The following TMEM132D variants were observed in gnomAD, a reference collection of about 807,000 sequenced individuals.
The protein encoded by TMEM132D is mature OL transmembrane protein.
A neutral mutation model predicts 62.3 loss-of-function variants in TMEM132D; 21 were observed. The ratio of observed to expected loss-of-function variants is 0.34; its 90% CI spans 0.24 to 0.49. TMEM132D has a LOEUF of 0.49. Among genes scored for constraint, TMEM132D ranks in the 20% least tolerant of loss-of-function variants. The probability of loss-of-function intolerance (pLI) is 0.99; values close to 1 mark genes in which losing one functional copy is unlikely to be tolerated. For missense variants in TMEM132D, 1,346 were observed against 1,402.8 expected (o/e 0.96, Z 0.65); for synonymous variants, 621 against 575.6 (o/e 1.08, Z -1.13).
At chr12:129,355,587 CCAA>C (rs2135670752) in intron 3 of TMEM132D, among the ~76,000 whole-genome samples, 1 of 152,188 alleles carries the variant, frequency 6.6e-6, no homozygotes, top group South Asian at 2.1e-4. Flanking sequence ...AGATGTTCTT[CCAA>C]CAATTCAGAA....
intron 1 of TMEM132D, among the ~76,000 whole-genome samples, chr12:129,849,122 G>A (rs755247252): frequency 6.6e-6 from 1 of 152,172 alleles, no homozygotes; most frequent in Non-Finnish European, 1.5e-5. Flanking sequence ...TATAATGCAA[G>A]CAGTCAGACC....
At chr12:129,879,437 T>C (rs1238663086) in intron 1 of TMEM132D, among the ~76,000 whole-genome samples, 10 of 152,170 alleles carry the variant, frequency 6.6e-5, no homozygotes, top group Admixed American at 1.3e-4. Flanking sequence ...AAAATAATAG[T>C]TTCTTGAACA....
At chr12:129,653,392 G>A (rs1212473675) in intron 2 of TMEM132D, among the ~76,000 whole-genome samples, 1 of 152,148 alleles carries the variant, frequency 6.6e-6, no homozygotes, top group African/African-American at 2.4e-5. Flanking sequence ...CGTGAACAAT[G>A]ACATATCAGG....
intron 1 of TMEM132D, among the ~76,000 whole-genome samples, chr12:129,762,288 T>A (rs758254960): frequency 7.2e-5 from 11 of 152,058 alleles, no homozygotes; most frequent in Non-Finnish European, 1.2e-4. Flanking sequence ...CAAAACTAAT[T>A]TCCTAGTCCC....
At position 129,380,275 on chromosome 12, in the gene TMEM132D, GA is replaced by G. The variant is rs565261397; in HGVS notation, c.1116-42459del. On this transcript the variant is annotated intron_variant, in intron 3 of 8. Coordinates refer to ENST00000422113, the MANE Select transcript of TMEM132D (RefSeq NM_133448.3). ...AATTCACTTAGCAGGCAAACGTCTAGAAAAAAAACTTCCATTTATTATAGGA... is the reference window on the plus strand; with the variant it reads ...AATTCACTTAGCAGGCAAACGTCTAGAAAAAAACTTCCATTTATTATAGGA... 4.2e-3 allele frequency among the ~76,000 whole-genome samples: 640 copies of G among 151,906 alleles called. 3 individuals carry two copies. The highest frequency in any genetic ancestry group is 4.5e-3 in the Non-Finnish European group (308 of 67,930).
intron 3 of TMEM132D, among the ~76,000 whole-genome samples, chr12:129,461,775 G>T (rs1242990999): frequency 6.6e-6 from 1 of 151,996 alleles, no homozygotes; most frequent in Non-Finnish European, 1.5e-5. Context: ...GCGGACTGAT[G>T]GATGGATGGG....
At chr12:129,638,456 GA>G (rs978007797) in intron 2 of TMEM132D, among the ~76,000 whole-genome samples, 7 of 148,190 alleles carry the variant, frequency 4.7e-5, no homozygotes, top group East Asian at 2.0e-4. Flanking sequence ...TACTTTCATT[GA>G]AAAAAAATCA....
At chr12:129,673,111 C>T (rs1231727166) in intron 2 of TMEM132D, among the ~76,000 whole-genome samples, 1 of 151,008 alleles carries the variant, frequency 6.6e-6, no homozygotes, top group Admixed American at 7.0e-5. Flanking sequence ...GGATAGAAAA[C>T]AGTTTCATTA....
chr12:129,330,184 G>A lies in TMEM132D; in HGVS notation c.1299+7450C>T, dbSNP rs190864720. Among the ~76,000 whole-genome samples, 4 of 152,276 alleles carry A rather than the reference G, an allele frequency of 2.6e-5. No homozygotes were observed. In the East Asian group the frequency reaches 7.7e-4, roughly 29 times the overall value. ...AGGAACTCAGCATTCAACCAAGTAG[G>A]TGGAGGGTCAGGCCAAGAATAATCT... On this transcript the variant is annotated intron_variant, in intron 4 of 8. Coordinates refer to ENST00000422113, the MANE Select transcript of TMEM132D (RefSeq NM_133448.3).
chr12:129,878,264 A>T (rs1212459218), intron 1 of TMEM132D, among the ~76,000 whole-genome samples: 1 of 152,136 alleles, frequency 6.6e-6, no homozygotes, highest in African/African-American at 2.4e-5. Flanking sequence ...TCTATTCTCG[A>T]CCTTCCTTTC....
intron 4 of TMEM132D, among the ~76,000 whole-genome samples, chr12:129,246,003 C>T (rs753123274): frequency 1.3e-5 from 2 of 152,302 alleles, no homozygotes; most frequent in African/African-American, 2.4e-5. Flanking sequence ...GCCCCATGAA[C>T]TAGAAGACGT....
At chr12:129,194,534 A>G (rs1346445852) in intron 5 of TMEM132D, among the ~76,000 whole-genome samples, 1 of 152,220 alleles carries the variant, frequency 6.6e-6, no homozygotes, top group African/African-American at 2.4e-5. Flanking sequence ...GGCTGATGAA[A>G]TAATCTGTAC....
intron 3 of TMEM132D, among the ~76,000 whole-genome samples, chr12:129,424,095 C>A (rs1872406717): frequency 6.6e-6 from 1 of 151,762 alleles, no homozygotes; most frequent in Admixed American, 6.6e-5. Flanking sequence ...CTATTATTAA[C>A]ATATATCATT....
intron 2 of TMEM132D, among the ~76,000 whole-genome samples, chr12:129,537,556 C>T (rs2137094582): frequency 6.6e-6 from 1 of 152,310 alleles, no homozygotes; most frequent in Admixed American, 6.5e-5. Context: ...TTCACTTGTA[C>T]AAGGGAATCT....
chr12:129,329,889 G>C (rs1013451672), intron 4 of TMEM132D, among the ~76,000 whole-genome samples: 4 of 152,140 alleles, frequency 2.6e-5, no homozygotes, highest in African/African-American at 9.7e-5. Context: ...TGGTGAAAAG[G>C]AAGTTCATTT....
At chr12:129,594,145 G>A (rs1381279304) in intron 2 of TMEM132D, among the ~76,000 whole-genome samples, 1 of 152,202 alleles carries the variant, frequency 6.6e-6, no homozygotes, top group African/African-American at 2.4e-5. Context: ...ATGGTTCAGA[G>A]CCACAACCAC....
chr12:129,764,187 C>T (rs980648685), intron 1 of TMEM132D, among the ~76,000 whole-genome samples: 2 of 152,168 alleles, frequency 1.3e-5, no homozygotes, highest in African/African-American at 4.8e-5. Flanking sequence ...AAACACAAAG[C>T]TGTGGTAATG....
Position 129,728,515 on chromosome 12 carries a change from C to G in TMEM132D, c.80-27817G>C, listed in dbSNP as rs116531183. The stretch of plus-strand genomic sequence containing the variant: ...CCACACAGCACAACTCAGTAAGGAA[C>G]TGGGGAATATGAACAAAAAAGCAGC... On this transcript the variant is annotated intron_variant, in intron 1 of 8. Transcript: ENST00000422113. Among the ~76,000 whole-genome samples, 1,249 of 152,300 alleles carry G rather than the reference C, an allele frequency of 8.2e-3. 17 individuals are homozygous for G. Among genetic ancestry groups the G allele is most frequent in the African/African-American group, 0.028 (1,182 of 41,552 alleles).
chr12:129,890,884 T>C (rs769168609), intron 1 of TMEM132D, among the ~76,000 whole-genome samples: 5 of 152,168 alleles, frequency 3.3e-5, no homozygotes, highest in Non-Finnish European at 7.3e-5. Flanking sequence ...CTGTTGAAGA[T>C]AAAATACTCG....
Sources: gnomAD v4.1 joint callset for allele counts (sites outside exome capture counted in the v4.1 genomes callset) on GRCh38, gnomAD v4.1.1 for gene constraint, MANE v1.5 for transcripts, NCBI Gene and HGNC (gene_info 2026-07-23, HGNC 2026-07-21) for gene names.